Variants in SNTB2 observed in about 807,000 individuals in gnomAD.
SNTB2 encodes the protein beta-2-syntrophin.
SNTB2 carries 34 observed loss-of-function variants against 46.2 expected under a neutral mutation model. That is an observed-to-expected ratio of 0.74 (90% CI 0.56 to 0.98). SNTB2 has a LOEUF of 0.98. Ranked by LOEUF, SNTB2 falls within the 50% of genes least tolerant of loss-of-function variation. The pLI is 0.00. For missense variants in SNTB2, 603 were observed against 731.4 expected (o/e 0.82, Z 2.02); for synonymous variants, 290 against 312.6 (o/e 0.93, Z 0.76).
intron 1 of SNTB2, among the ~76,000 whole-genome samples, chr16:69,210,947 C>T (rs1597173683): frequency 6.6e-6 from 1 of 152,012 alleles, no homozygotes; most frequent in African/African-American, 2.4e-5. Flanking sequence ...GCCGAGATTG[C>T]ACCACTCCAC....
At chr16:69,269,973 C>T (rs1244395715) in intron 3 of SNTB2, among the ~76,000 whole-genome samples, 170 bp from the exon 4 acceptor site, 2 of 152,142 alleles carry the variant, frequency 1.3e-5, no homozygotes, top group South Asian at 2.1e-4. Context: ...TCACACCTCC[C>T]GGTGGAGAGT....
At chr16:69,212,257 CT>C (rs1964295776) in intron 1 of SNTB2, among the ~76,000 whole-genome samples, 1 of 152,092 alleles carries the variant, frequency 6.6e-6, no homozygotes, top group South Asian at 2.1e-4. Flanking sequence ...TCAAGGTGTC[CT>C]ATGTGAAACC....
chr16:69,196,424 G>GAGTGT, intron 1 of SNTB2, among the ~76,000 whole-genome samples: 1 of 150,414 alleles, frequency 6.6e-6, no homozygotes, highest in East Asian at 2.0e-4. Context: ...ACCCAGGCTG[G>GAGTGT]AGTGTAGTGG....
At chr16:69,266,320 G>A (rs1169666333) in intron 3 of SNTB2, among the ~76,000 whole-genome samples, 1 of 152,074 alleles carries the variant, frequency 6.6e-6, no homozygotes, top group Non-Finnish European at 1.5e-5. Flanking sequence ...TCCGAGATGG[G>A]GCCATTGTCC....
At chr16:69,267,193 A>C (rs1352532992) in intron 3 of SNTB2, among the ~76,000 whole-genome samples, 7 of 152,062 alleles carry the variant, frequency 4.6e-5, no homozygotes, top group Admixed American at 3.3e-4. Context: ...ATGCCCAGCT[A>C]ATTTTTGTAG....
In SNTB2 at chr16:69,281,336, A is replaced by C. The variant is rs1008965420; in HGVS notation, c.1149-2712A>C. Among the ~76,000 whole-genome samples, 23 of 151,558 alleles carry C rather than the reference A, an allele frequency of 1.5e-4. 1 individual carries two copies. In the East Asian group the frequency reaches 3.5e-3, roughly 23 times the overall value. On this transcript the variant is annotated intron_variant, in intron 4 of 6. Coordinates refer to ENST00000336278, the MANE Select transcript of SNTB2 (RefSeq NM_006750.4). ...AACCTCCGCCTCTCAGGTTCAAGCG[A>C]TTCTCCTGTCTCAGCCTCCTGAGTA... is the stretch of plus-strand genomic sequence containing the variant.
chr16:69,207,311 G>A (rs910092525), intron 1 of SNTB2, among the ~76,000 whole-genome samples: 1 of 151,444 alleles, frequency 6.6e-6, no homozygotes, highest in Non-Finnish European at 1.5e-5. Flanking sequence ...GTGCCACCAC[G>A]CCCAGCTAAT....
intron 1 of SNTB2, among the ~76,000 whole-genome samples, chr16:69,200,045 G>GCTAGGA: frequency 6.6e-6 from 1 of 152,168 alleles, no homozygotes; most frequent in Middle Eastern, 3.4e-3. Flanking sequence ...CTCTTGAGTA[G>GCTAGGA]CTAGGACTAC....
At chr16:69,237,245 A>G (rs1482565832) in intron 1 of SNTB2, among the ~76,000 whole-genome samples, 5 of 152,172 alleles carry the variant, frequency 3.3e-5, no homozygotes, top group Non-Finnish European at 7.4e-5. Flanking sequence ...GGATAGGAGG[A>G]GAAAAAAGGC....
intron 5 of SNTB2, among the ~76,000 whole-genome samples, chr16:69,291,377 C>T (rs9935533): frequency 0.14 from 21,156 of 152,204 alleles, 1,693 homozygotes; most frequent in Middle Eastern, 0.23. Context: ...TTCTTTATCC[C>T]TCATGACACA....
intron 2 of SNTB2, among the ~76,000 whole-genome samples, chr16:69,255,819 G>A (rs904318924): frequency 1.3e-5 from 2 of 150,798 alleles, no homozygotes; most frequent in Admixed American, 6.6e-5. Context: ...GGAGGTTGCA[G>A]TGAGCTGAGA....
chr16:69,253,750 G>A (rs1158212652), intron 2 of SNTB2, among the ~76,000 whole-genome samples: 3 of 152,122 alleles, frequency 2.0e-5, no homozygotes, highest in Admixed American at 6.6e-5. Flanking sequence ...GTATCTACTT[G>A]TGTTTAATCA....
At chr16:69,258,254 T>A (rs1031731920) in intron 2 of SNTB2, among the ~76,000 whole-genome samples, 5 of 152,208 alleles carry the variant, frequency 3.3e-5, no homozygotes, top group African/African-American at 1.2e-4. Flanking sequence ...TTTTTTTCCA[T>A]TTTAAAAGAT....
At chr16:69,210,435 A>G (rs28429295) in intron 1 of SNTB2, among the ~76,000 whole-genome samples, 1 of 151,276 alleles carries the variant, frequency 6.6e-6, no homozygotes, top group African/African-American at 2.4e-5. Flanking sequence ...ACGGGGTTTC[A>G]CCATGTTGCC....
chr16:69,205,425 C>G (rs1362288846), intron 1 of SNTB2, among the ~76,000 whole-genome samples: 2 of 150,066 alleles, frequency 1.3e-5, no homozygotes, highest in Non-Finnish European at 2.9e-5. Context: ...GTCTCAAACT[C>G]TTGACCTTGT....
In SNTB2 at chr16:69,255,983, C is replaced by T. The variant is rs570462772; in HGVS notation, c.795-4067C>T. Among the ~76,000 whole-genome samples the T allele has an allele frequency of 1.6e-3, 236 of 151,270 alleles. 1 individual carries two copies. Among genetic ancestry groups the T allele is most frequent in the African/African-American group, 5.5e-3 (227 of 41,242 alleles). ...CGGGCGGATCATGAGGTCAGGAGTT[C>T]GAGACCAGCCTGGCCAACATAGTGA... On this transcript the variant is annotated intron_variant, in intron 2 of 6. Transcript: ENST00000336278.
At chr16:69,225,776 T>C (rs1964452935) in intron 1 of SNTB2, among the ~76,000 whole-genome samples, 1 of 152,206 alleles carries the variant, frequency 6.6e-6, no homozygotes, top group Non-Finnish European at 1.5e-5. Context: ...TGTAGCTCTT[T>C]TTGGTTTTGG....
At chr16:69,281,440 A>G (rs1965042925) in intron 4 of SNTB2, among the ~76,000 whole-genome samples, 1 of 150,956 alleles carries the variant, frequency 6.6e-6, no homozygotes, top group Non-Finnish European at 1.5e-5. Context: ...ACTTAGGTCA[A>G]AGATCCATTT....
At chr16:69,247,530 G>A (rs990141776) in intron 2 of SNTB2, among the ~76,000 whole-genome samples, 1 of 152,112 alleles carries the variant, frequency 6.6e-6, no homozygotes. Flanking sequence ...GAAACTGAAT[G>A]GCCTCCTTGG....
Sources: gnomAD v4.1 joint callset for allele counts (sites outside exome capture counted in the v4.1 genomes callset) on GRCh38, gnomAD v4.1.1 for gene constraint, MANE v1.5 for transcripts, NCBI Gene and HGNC (gene_info 2026-07-23, HGNC 2026-07-21) for gene names.